SLCO5A1: variants seen among roughly 807,000 people sequenced by gnomAD.
SLCO5A1 encodes the protein organic anion transporter polypeptide-related protein 4.
SLCO5A1 carries 39 observed loss-of-function variants against 65.1 expected under a neutral mutation model. That is an observed-to-expected ratio of 0.60 (90% CI 0.46 to 0.78). SLCO5A1 has a LOEUF of 0.78. SLCO5A1 is among the 30% of genes least tolerant of loss of function. SLCO5A1 has a pLI of 0.00. For missense variants in SLCO5A1, 1,029 were observed against 1,069.4 expected (o/e 0.96, Z 0.53); for synonymous variants, 438 against 415.7 (o/e 1.05, Z -0.65).
At chr8:69,792,970 GTTT>G (rs890542329) in intron 2 of SLCO5A1, among the ~76,000 whole-genome samples, 1 of 151,622 alleles carries the variant, frequency 6.6e-6, no homozygotes, top group African/African-American at 2.4e-5. Context: ...TTGTTGTTTG[GTTT>G]TTTTGTTTTT....
chr8:69,689,200 G>A (rs1814131979), intron 6 of SLCO5A1, among the ~76,000 whole-genome samples: 1 of 127,606 alleles, frequency 7.8e-6, no homozygotes, highest in Non-Finnish European at 1.7e-5. Flanking sequence ...TTTTTTTCTT[G>A]TAAATTTGTT....
intron 2 of SLCO5A1, among the ~76,000 whole-genome samples, chr8:69,780,853 GAA>G (rs375997212): frequency 4.1e-5 from 6 of 146,558 alleles, no homozygotes; most frequent in Middle Eastern, 3.4e-3. Context: ...CTCTGCTACT[GAA>G]AAAAAAAAAT....
At chr8:69,770,481 C>A (rs149167283) in intron 2 of SLCO5A1, among the ~76,000 whole-genome samples, 1 of 151,634 alleles carries the variant, frequency 6.6e-6, no homozygotes, top group Non-Finnish European at 1.5e-5. Context: ...TGAAGCAGAC[C>A]CCAACGTAAA....
intron 2 of SLCO5A1, among the ~76,000 whole-genome samples, chr8:69,772,162 G>T (rs1818344668): frequency 6.6e-6 from 1 of 152,160 alleles, no homozygotes; most frequent in Admixed American, 6.5e-5. Context: ...GGGATCACTT[G>T]CAACCTCGGG....
intron 4 of SLCO5A1, among the ~76,000 whole-genome samples, chr8:69,741,447 G>A (rs1344206001): frequency 6.6e-6 from 1 of 152,148 alleles, no homozygotes; most frequent in East Asian, 1.9e-4. Flanking sequence ...TTCAGTCCAG[G>A]CTAATCCAGT....
chr8:69,698,117 T>C (rs955170748), intron 6 of SLCO5A1, among the ~76,000 whole-genome samples: 2 of 152,230 alleles, frequency 1.3e-5, no homozygotes, highest in Non-Finnish European at 2.9e-5. Flanking sequence ...TTTGGTTTTC[T>C]GTTCCTGTGT....
intron 9 of SLCO5A1, among the ~76,000 whole-genome samples, chr8:69,674,870 C>A (rs138471671): frequency 0.015 from 2,007 of 137,526 alleles, 47 homozygotes; most frequent in African/African-American, 0.052. Context: ...AAAAAAAAAA[C>A]AAAAAAAAAA....
Position 69,798,127 on chromosome 8 carries a change from G to A in SLCO5A1, c.907+33640C>T, listed in dbSNP as rs538589898. On this transcript the variant is annotated intron_variant, in intron 2 of 9. Coordinates refer to ENST00000260126, the MANE Select transcript of SLCO5A1 (RefSeq NM_030958.3). Reference sequence around the variant, plus strand: ...TAGAAAAGAACCTACATGAAATATCGGGGGTGAATTTCACCTGATATCTGG... The same window carrying A: ...TAGAAAAGAACCTACATGAAATATCAGGGGTGAATTTCACCTGATATCTGG... 2.0e-4 allele frequency among the ~76,000 whole-genome samples: 31 copies of A among 152,158 alleles called. No individual in the cohort carries two copies. The South Asian group carries it at 4.1e-3, about 20-fold the overall frequency.
At chr8:69,828,137 C>T (rs1012092622) in intron 2 of SLCO5A1, among the ~76,000 whole-genome samples, 2 of 152,068 alleles carry the variant, frequency 1.3e-5, no homozygotes, top group Admixed American at 1.3e-4. Context: ...TCATTGAGAA[C>T]ATTAAGTGAA....
chr8:69,818,448 C>G (rs1213271209), intron 2 of SLCO5A1, among the ~76,000 whole-genome samples: 1 of 152,192 alleles, frequency 6.6e-6, no homozygotes. Context: ...TTGACAAGAT[C>G]CCCTGAGAGT....
chr8:69,751,815 G>A (rs1647215999), intron 4 of SLCO5A1, among the ~76,000 whole-genome samples: 1 of 151,954 alleles, frequency 6.6e-6, no homozygotes, highest in Admixed American at 6.6e-5. Flanking sequence ...CTAAAGTTCT[G>A]GGATTACAGG....
intron 2 of SLCO5A1, among the ~76,000 whole-genome samples, chr8:69,824,807 T>A (rs907739991): frequency 4.6e-5 from 7 of 152,182 alleles, no homozygotes; most frequent in South Asian, 4.1e-4. Flanking sequence ...TACCAAAGCC[T>A]GGCAGAGACA....
intron 2 of SLCO5A1, among the ~76,000 whole-genome samples, chr8:69,830,538 G>GCTT (rs1563381156): frequency 1.3e-5 from 2 of 152,094 alleles, no homozygotes; most frequent in East Asian, 3.9e-4. Flanking sequence ...AGCTTGTTTA[G>GCTT]GTTGCACTCC....
rs1813376005 is a variant in SLCO5A1 at position 69,672,701 on chromosome 8, A to G, written c.*168T>C. 1 of 677,226 alleles carries G rather than the reference A, an allele frequency of 1.5e-6. No individual in the cohort carries two copies. The allele number at this position is 677,226 out of a possible 1,614,324, so 42.0% of individuals were successfully genotyped here. ...CGGGGAAAGGCTCTCAGTCTTGTTG[A>G]GGTATCCAGCCCTCAATGAATAGCG... On this transcript the variant is annotated 3_prime_UTR_variant, in exon 10 of 10. Transcript: ENST00000260126.
At chr8:69,684,243 G>A (rs1813912794) in intron 6 of SLCO5A1, among the ~76,000 whole-genome samples, 1 of 152,100 alleles carries the variant, frequency 6.6e-6, no homozygotes, top group African/African-American at 2.4e-5. Flanking sequence ...GCCCCCCCAG[G>A]GGACCTTTGG....
intron 2 of SLCO5A1, among the ~76,000 whole-genome samples, chr8:69,767,913 A>AAG (rs1554618626): frequency 0.015 from 2,015 of 133,076 alleles, 136 homozygotes; most frequent in African/African-American, 0.055. Flanking sequence ...AAAAAAAAAC[A>AAG]AAAAGAAAAA....
At chr8:69,676,025 A>C (rs771688009) in intron 9 of SLCO5A1, among the ~76,000 whole-genome samples, 1 of 152,232 alleles carries the variant, frequency 6.6e-6, no homozygotes, top group African/African-American at 2.4e-5. Flanking sequence ...CCACCCGTAC[A>C]AATGTACTCT....
In SLCO5A1 at chr8:69,832,581, C is replaced by G; in HGVS notation, c.93G>C (p.Glu31Asp). ...AEAVQERCEP[E>D]TLRSKSLPVL... ...CCGGTAAACTCTTAGACCTGAGGGT[C>G]TCCGGCTCGCACCTCTCTTGGACAG... Residue 31 changes from glutamate (E) to aspartate (D), a missense_variant, in exon 2 of 10, where the codon GAG becomes GAC. Physicochemically the swap from Glu to Asp is conservative, Grantham distance 45. Coordinates refer to ENST00000260126, the MANE Select transcript of SLCO5A1 (RefSeq NM_030958.3). The surrounding 1 kb of genome is among the most constrained non-coding windows in gnomAD (Gnocchi z 4.5). 1 of 1,612,940 alleles carries G rather than the reference C, an allele frequency of 6.2e-7. No homozygotes were observed. The highest frequency in any genetic ancestry group is 8.5e-7 in the Non-Finnish European group (1 of 1,179,728).
At chr8:69,709,556 T>C (rs1044672285) in intron 5 of SLCO5A1, among the ~76,000 whole-genome samples, 1 of 152,154 alleles carries the variant, frequency 6.6e-6, no homozygotes, top group African/African-American at 2.4e-5. Flanking sequence ...CACAGAAAAG[T>C]AGGAAGGAAA....
Sources: allele counts gnomAD v4.1 joint callset (sites outside exome capture counted in the v4.1 genomes callset), GRCh38; gene constraint gnomAD v4.1.1; non-coding constraint Gnocchi (gnomAD v3.1); transcripts MANE v1.5; gene names NCBI Gene and HGNC (gene_info 2026-07-23, HGNC 2026-07-21).